Variants in IFT80 observed in about 807,000 individuals in gnomAD.
IFT80 encodes intraflagellar transport 80, also known as intraflagellar transport protein 80 homolog.
Under a neutral mutation model 107.9 loss-of-function variants are expected in IFT80, and 79 were observed. The observed-to-expected ratio is 0.73, with a 90% CI of 0.61 to 0.88. The LOEUF (loss-of-function observed/expected upper bound fraction) is 0.88, where lower values mean the gene tolerates loss of function less well. IFT80 is among the 40% of genes least tolerant of loss of function. IFT80 has a pLI of 0.00. For missense variants in IFT80, 797 were observed against 914.2 expected, an observed-to-expected ratio of 0.87 and a Z score of 1.65; for synonymous variants, 299 against 300.9, an observed-to-expected ratio of 0.99 and a Z score of 0.07.
intron 19 of IFT80, among the ~76,000 whole-genome samples, chr3:160,265,356 G>A (rs1046630991): frequency 6.6e-6 from 1 of 152,178 alleles, no homozygotes; most frequent in Admixed American, 6.5e-5. Context: ...CCTAAGTAGA[G>A]TGTTGACTCA....
chr3:160,279,356 C>T lies in IFT80; in HGVS notation c.1673G>A (p.Ser558Asn). 1.2e-6 allele frequency: 2 copies of T among 1,612,162 alleles called. No homozygotes were observed. Among genetic ancestry groups the T allele is most frequent in the Non-Finnish European group, 8.5e-7 (1 of 1,178,624 alleles). ...TLYERDASEF[S>N]KNPHIVSFVG... ...AAAACTCACAATATGGGGATTTTTA[C>T]TAAATTCACTGTTGAAAAAAAAAGC... Residue 558 changes from serine (S) to asparagine (N), a missense_variant, in exon 16 of 20, where the codon AGT becomes AAT. By Grantham distance (46) the Ser-to-Asn change is conservative. Transcript: ENST00000326448.
chr3:160,396,034 A>G (rs1309807707), intron 1 of IFT80, among the ~76,000 whole-genome samples: 3 of 152,066 alleles, frequency 2.0e-5, no homozygotes, highest in Admixed American at 2.0e-4. Flanking sequence ...TTCTTACAGC[A>G]CTACCCATTT....
At chr3:160,318,637 C>G (rs1347470849) in intron 9 of IFT80, among the ~76,000 whole-genome samples, 1 of 151,998 alleles carries the variant, frequency 6.6e-6, no homozygotes, top group African/African-American at 2.4e-5. Flanking sequence ...AAACATTTCT[C>G]CCCACTTCCC....
At chr3:160,328,645 T>C (rs969509221) in intron 8 of IFT80, among the ~76,000 whole-genome samples, 2 of 152,042 alleles carry the variant, frequency 1.3e-5, no homozygotes, top group African/African-American at 4.8e-5. Flanking sequence ...TTACTGGGTA[T>C]ATACCCAAAG....
At chr3:160,395,876 A>G (rs1231516764) in intron 1 of IFT80, among the ~76,000 whole-genome samples, 2 of 152,154 alleles carry the variant, frequency 1.3e-5, no homozygotes, top group African/African-American at 2.4e-5. Context: ...GTCACTTGTA[A>G]TCAACAGGCT....
At chr3:160,339,624 T>G (rs1041747282) in intron 8 of IFT80, among the ~76,000 whole-genome samples, 5 of 152,176 alleles carry the variant, frequency 3.3e-5, no homozygotes, top group African/African-American at 4.8e-5. Context: ...TATGAAAAAG[T>G]AAACAAAGAT....
intron 12 of IFT80, among the ~76,000 whole-genome samples, chr3:160,287,113 C>T (rs1715149919): frequency 6.6e-6 from 1 of 152,164 alleles, no homozygotes; most frequent in South Asian, 2.1e-4. Flanking sequence ...CGCCAAAGCT[C>T]AGCGGAGCTT....
At chr3:160,305,980 T>C (rs141588900) in intron 10 of IFT80, among the ~76,000 whole-genome samples, 5 of 152,284 alleles carry the variant, frequency 3.3e-5, no homozygotes, top group African/African-American at 1.2e-4. Flanking sequence ...GTCATTATTA[T>C]CTAAAATGCT....
chr3:160,360,997 A>G (rs1721450637), intron 6 of IFT80, among the ~76,000 whole-genome samples: 1 of 152,220 alleles, frequency 6.6e-6, no homozygotes, highest in African/African-American at 2.4e-5. Flanking sequence ...ACCAGCTAAC[A>G]TCACGTCAGG....
At chr3:160,365,806 G>A (rs1017881929) in intron 6 of IFT80, among the ~76,000 whole-genome samples, 2 of 152,034 alleles carry the variant, frequency 1.3e-5, no homozygotes, top group Non-Finnish European at 2.9e-5. Flanking sequence ...CAAAGCCTGT[G>A]TTCTTATTAG....
chr3:160,307,891 C>T, intron 9 of IFT80, 110 bp from the exon 10 acceptor site: 1 of 674,588 alleles, frequency 1.5e-6, no homozygotes, highest in Non-Finnish European at 2.7e-6. Flanking sequence ...TACTGATTAC[C>T]TAATCATATA....
rs753420617 is a variant in IFT80 at position 160,378,515 on chromosome 3, C to T, written c.260-975G>A. On this transcript the variant is annotated intron_variant, in intron 3 of 19. Coordinates refer to ENST00000326448, the MANE Select transcript of IFT80 (RefSeq NM_020800.3). ...TTGTTTTTTTAAATACCATCAACCACCAGAAAAAGAACAGGTCTCTGTGGA... is the reference window on the plus strand; with the variant it reads ...TTGTTTTTTTAAATACCATCAACCATCAGAAAAAGAACAGGTCTCTGTGGA... Among the ~76,000 whole-genome samples the T allele has an allele frequency of 4.8e-4, 73 of 151,678 alleles. 1 individual carries two copies. Among genetic ancestry groups the T allele is most frequent in the Non-Finnish European group, 6.9e-4 (47 of 67,932 alleles).
intron 9 of IFT80, among the ~76,000 whole-genome samples, chr3:160,314,536 T>A (rs189158386): frequency 6.6e-6 from 1 of 152,242 alleles, no homozygotes; most frequent in East Asian, 1.9e-4. Context: ...CACCAGCAGG[T>A]CAAGGTGTAG....
At chr3:160,358,310 G>GC (rs1406823175) in intron 6 of IFT80, among the ~76,000 whole-genome samples, 2 of 151,510 alleles carry the variant, frequency 1.3e-5, no homozygotes, top group African/African-American at 4.9e-5. Flanking sequence ...ACCATGTTCA[G>GC]CCCCCCTCAA....
chr3:160,329,267 ACT>A (rs766295463), intron 8 of IFT80, among the ~76,000 whole-genome samples: 10 of 152,018 alleles, frequency 6.6e-5, no homozygotes, highest in Non-Finnish European at 1.3e-4. Context: ...TTTTTTTAAC[ACT>A]CTAATTCTCT....
At chr3:160,385,505 G>T (rs1038658790) in intron 1 of IFT80, among the ~76,000 whole-genome samples, 2 of 152,210 alleles carry the variant, frequency 1.3e-5, no homozygotes, top group Admixed American at 1.3e-4. Flanking sequence ...AGGAGGTACT[G>T]ACTATAGATA....
intron 2 of IFT80, chr3:160,384,303 TTTTAAGTA>T (rs959155472): frequency 3.4e-6 from 3 of 874,720 alleles, no homozygotes; most frequent in African/African-American, 3.6e-5. Flanking sequence ...AAAAACTGCT[TTTTAAGTA>T]TTTAAGTATA....
intron 3 of IFT80, among the ~76,000 whole-genome samples, chr3:160,379,635 C>A (rs934346706): frequency 6.6e-6 from 1 of 152,064 alleles, no homozygotes; most frequent in Non-Finnish European, 1.5e-5. Flanking sequence ...AAATGTTAAA[C>A]TAGTGAATCT....
At chr3:160,384,415 T>A (rs1451059012) in intron 2 of IFT80, 149 bp downstream of exon 2, 5 of 1,349,320 alleles carry the variant, frequency 3.7e-6, no homozygotes, top group Non-Finnish European at 4.8e-6. Flanking sequence ...CAACACATGA[T>A]CTTAAATACT....
Sources: gnomAD v4.1 joint callset for allele counts (sites outside exome capture counted in the v4.1 genomes callset) on GRCh38, gnomAD v4.1.1 for gene constraint, MANE v1.5 for transcripts, NCBI Gene and HGNC (gene_info 2026-07-23, HGNC 2026-07-21) for gene names.